PIGR: variants seen among roughly 807,000 people sequenced by gnomAD.
PIGR encodes the protein polymeric immunoglobulin receptor, also known as hepatocellular carcinoma associated protein TB6.
A neutral mutation model predicts 69.5 loss-of-function variants in PIGR; 22 were observed. The observed-to-expected ratio is 0.32, with a 90% CI of 0.23 to 0.45. The LOEUF (loss-of-function observed/expected upper bound fraction) is 0.45. Among genes scored for constraint, PIGR ranks in the 20% least tolerant of loss-of-function variants. The pLI is 1.00. For missense variants in PIGR, 885 were observed against 974.0 expected (o/e 0.91, Z 1.22); for synonymous variants, 413 against 407.6 (o/e 1.01, Z -0.16).
chr1:206,945,780 TC>T (rs1680095896), intron 1 of PIGR, among the ~76,000 whole-genome samples: 1 of 152,240 alleles, frequency 6.6e-6, no homozygotes, highest in Non-Finnish European at 1.5e-5. Flanking sequence ...ATGCGCACTA[TC>T]TAATTCCAGG....
chr1:206,939,885 T>G (rs291092), intron 2 of PIGR, among the ~76,000 whole-genome samples: 27,610 of 152,028 alleles, frequency 0.18, 6,136 homozygotes, highest in African/African-American at 0.53. Flanking sequence ...TGCTAGCTAA[T>G]TTTGGTTTCT....
In PIGR at chr1:206,932,557, C is replaced by G. The variant is rs1003137262; in HGVS notation, c.1907G>C (p.Ser636Thr). ...CAGGGTGGAGACCAGCGCTCTGGAG[C>G]TTCCACCTTGTTCCTCAGAGCTGGA... Reference protein sequence around the residue: ...DSGSSEEQGGSSRALVSTLVP... With the variant: ...DSGSSEEQGGTSRALVSTLVP... The change falls in exon 8 of 11, where the codon AGC becomes ACC. Residue 636 changes from serine to threonine, a missense_variant. Physicochemically the swap from Ser to Thr is moderately conservative, Grantham distance 58 (BLOSUM62 1). Transcript: ENST00000356495. The G allele has an allele frequency of 1.2e-6, 2 of 1,613,322 alleles. No individual in the cohort carries two copies. Among genetic ancestry groups the G allele is most frequent in the Non-Finnish European group, 1.7e-6 (2 of 1,179,684 alleles).
chr1:206,939,177 A>G lies in PIGR; in HGVS notation c.330T>C (p.Cys110=), dbSNP rs1261222167. Residue 110 remains cysteine (C), a synonymous_variant, in exon 3 of 11, where the codon TGT becomes TGC. Transcript: ENST00000356495. The part of the protein sequence containing the change: ...LSQDDSGRYK[C]GLGINSRGLS... ...GGCCTCGGCTATTGATGCCCAGGCC[A>G]CACTTGTAGCGCCCGGAGTCATCCT... 3 of 1,614,024 alleles carry G rather than the reference A, an allele frequency of 1.9e-6. No individual in the cohort carries two copies. Among genetic ancestry groups the G allele is most frequent in the Admixed American group, 1.7e-5 (1 of 60,006 alleles).
At chr1:206,942,523 C>T (rs557251898) in intron 1 of PIGR, among the ~76,000 whole-genome samples, 1 of 152,326 alleles carries the variant, frequency 6.6e-6, no homozygotes, top group East Asian at 1.9e-4. Context: ...GAACCCACAC[C>T]AGCAGCAGCT....
Position 206,935,291 on chromosome 1 carries a change from G to A in PIGR, c.1378+195C>T, listed in dbSNP as rs1268784722. Among the ~76,000 whole-genome samples the A allele has an allele frequency of 6.6e-6, 1 of 152,172 alleles. No individual in the cohort carries two copies. Among genetic ancestry groups the A allele is most frequent in the Non-Finnish European group, 1.5e-5 (1 of 68,026 alleles). ...AAGAAGCCCATGTTCTTGGTAGTAG[G>A]AGGTACCATGTATGGTAATTCAGAG... is the stretch of plus-strand genomic sequence containing the variant. On this transcript the variant is annotated intron_variant, in intron 5 of 10. Coordinates refer to ENST00000356495, the MANE Select transcript of PIGR (RefSeq NM_002644.4). This position sits in a 1 kb window ranked among gnomAD's most constrained non-coding sequence, Gnocchi z 4.4.
rs1316540926 is a variant in PIGR at position 206,937,393 on chromosome 1, C to A, written c.747G>T (p.Leu249=). 2 of 1,613,936 alleles carry A rather than the reference C, an allele frequency of 1.2e-6. No individual in the cohort carries two copies. The highest frequency in any genetic ancestry group is 3.3e-5 in the Admixed American group (2 of 59,996). ...CACAGTGGAAGGTCACTGAGCCCCT[C>A]AGGTCTTCATAAACCAGCTCGGGCT... The part of the protein sequence containing the change: ...KPEPELVYED[L]RGSVTFHCAL... Residue 249 remains leucine, a synonymous_variant, in exon 4 of 11, where the codon CTG becomes CTT. Coordinates refer to ENST00000356495, the MANE Select transcript of PIGR (RefSeq NM_002644.4).
In PIGR at chr1:206,933,162, G is replaced by A; in HGVS notation, c.1710C>T (p.Ser570=). 6.2e-7 allele frequency: 1 copy of A among 1,614,004 alleles called. No homozygotes were observed. The highest frequency in any genetic ancestry group is 1.1e-5 in the South Asian group (1 of 91,062). The change falls in exon 7 of 11, where the codon TCC becomes TCT. Residue 570 remains serine, a synonymous_variant. Transcript: ENST00000356495. ...VAVEERKAAG[S]RDVSLAKADA... is the part of the protein sequence containing the mutation. ...CTGCCTTCGCTAGGCTGACATCGCG[G>A]GACCCTGCAGCAGGGAAGAGTGGGC...
At chr1:206,934,770 A>G in intron 5 of PIGR, 24 bp from the exon 6 acceptor site, 1 of 1,569,280 alleles carries the variant, frequency 6.4e-7, no homozygotes, top group Non-Finnish European at 8.7e-7. Context: ...GGAGGTAGAA[A>G]TAAACACAGA....
At chr1:206,941,682 GA>G (rs926431803) in intron 1 of PIGR, among the ~76,000 whole-genome samples, 2 of 152,238 alleles carry the variant, frequency 1.3e-5, no homozygotes, top group African/African-American at 4.8e-5. Flanking sequence ...CACTCAGACG[GA>G]GCAGCCTGTG....
intron 1 of PIGR, among the ~76,000 whole-genome samples, chr1:206,942,448 C>T (rs974333157): frequency 2.6e-5 from 4 of 152,242 alleles, no homozygotes; most frequent in African/African-American, 9.6e-5. Context: ...CTACCATTTT[C>T]TACTTGTGCT....
In PIGR at chr1:206,944,841, G is replaced by T. The variant is rs1006230836; in HGVS notation, c.-54+1495C>A. 2.0e-5 allele frequency among the ~76,000 whole-genome samples: 3 copies of T among 152,232 alleles called. No individual in the cohort carries two copies. The South Asian group carries it at 6.2e-4, about 32-fold the overall frequency. ...AAAATGGCTGTACCAAAACCTCATC[G>T]TTCAAACTTGCTGGTGACTTCACAC... On this transcript the variant is annotated intron_variant, in intron 1 of 10. Transcript: ENST00000356495.
intron 6 of PIGR, 60 bp downstream of exon 6, chr1:206,934,360 G>A (rs888287575): frequency 5.0e-6 from 7 of 1,412,188 alleles, no homozygotes; most frequent in Admixed American, 3.9e-5. Flanking sequence ...TCAGGCAGGG[G>A]CCTTCAGGAA....
chr1:206,938,490 T>A (rs562079881), intron 3 of PIGR, among the ~76,000 whole-genome samples: 2 of 152,366 alleles, frequency 1.3e-5, no homozygotes, highest in South Asian at 2.1e-4. Flanking sequence ...ACCTCTCTTT[T>A]GAGTTGCCCT....
chr1:206,938,998 G>T, intron 3 of PIGR, 121 bp downstream of exon 3: 1 of 800,870 alleles, frequency 1.2e-6, no homozygotes, highest in Non-Finnish European at 2.0e-6. Context: ...GGAAAGGGGT[G>T]CCTTCTGACC....
chr1:206,936,103 G>A (rs917656294), intron 4 of PIGR, among the ~76,000 whole-genome samples: 2 of 152,228 alleles, frequency 1.3e-5, no homozygotes, highest in Non-Finnish European at 2.9e-5. Context: ...AGTTGAAGGA[G>A]AGGATATCAG....
intron 3 of PIGR, 148 bp from the exon 4 acceptor site, chr1:206,937,899 C>A: frequency 1.5e-6 from 1 of 683,684 alleles, no homozygotes. Context: ...GTCGGAAGGC[C>A]CAGCTTGACA....
rs1023935248 is a variant in PIGR, at chr1:206,935,898, G to A, written c.1046-80C>T. 1.9e-6 allele frequency: 2 copies of A among 1,079,448 alleles called. No homozygotes were observed. The highest frequency in any genetic ancestry group is 2.7e-6 in the Non-Finnish European group (2 of 742,982). 66.9% of individuals were successfully genotyped at this position (1,079,448 alleles called of 1,614,324 possible). On this transcript the variant is annotated intron_variant, in intron 4 of 10. Coordinates refer to ENST00000356495, the MANE Select transcript of PIGR (RefSeq NM_002644.4). The surrounding 1 kb of genome is among the most constrained non-coding windows in gnomAD (Gnocchi z 4.4). ...CGTGGCCTGAGAAGCCTTCTTCCCGGGGTCTCAGCCAGGATGGGGAGTGAA... is the reference window on the plus strand; with the variant it reads ...CGTGGCCTGAGAAGCCTTCTTCCCGAGGTCTCAGCCAGGATGGGGAGTGAA...
At position 206,932,297 on chromosome 1, in the gene PIGR, G is replaced by A. The variant is rs536045567; in HGVS notation, c.2008+159C>T. Among the ~76,000 whole-genome samples the A allele has an allele frequency of 5.9e-5, 9 of 152,260 alleles. No individual in the cohort carries two copies. In the South Asian group the frequency reaches 1.5e-3, roughly 25 times the overall value. On this transcript the variant is annotated intron_variant, in intron 8 of 10. Coordinates refer to ENST00000356495, the MANE Select transcript of PIGR (RefSeq NM_002644.4). ...GACAGCAGCTCTGAATTTCAGTTTC[G>A]AGTATGTGTGGGTTTATCTTTCCCC...
At chr1:206,931,942 G>A (rs1679762722) in intron 8 of PIGR, 140 bp from the exon 9 acceptor site, 3 of 874,578 alleles carry the variant, frequency 3.4e-6, no homozygotes, top group African/African-American at 3.3e-5. Flanking sequence ...GACCCAGGGG[G>A]ATGGAAATGA....
Sources: gnomAD v4.1 joint callset for allele counts (sites outside exome capture counted in the v4.1 genomes callset) on GRCh38, gnomAD v4.1.1 for gene constraint, Gnocchi (gnomAD v3.1) non-coding constraint, MANE v1.5 for transcripts, NCBI Gene and HGNC (gene_info 2026-07-23, HGNC 2026-07-21) for gene names.